Variants in STARD13 observed in about 807,000 individuals in gnomAD.
The protein encoded by STARD13 is StAR related lipid transfer domain containing 13, also known as stAR-related lipid transfer protein 13.
Under a neutral mutation model 106.4 loss-of-function variants are expected in STARD13, and 62 were observed. That is an observed-to-expected ratio of 0.58 (90% confidence interval 0.48 to 0.72). STARD13 has a LOEUF of 0.72. Ranked by LOEUF, STARD13 falls within the 30% of genes least tolerant of loss-of-function variation. The pLI is 0.00. For missense variants in STARD13, 1,387 were observed against 1,424.0 expected (o/e 0.97, Z 0.42); for synonymous variants, 565 against 553.0 (o/e 1.02, Z -0.31).
intron 1 of STARD13, among the ~76,000 whole-genome samples, chr13:33,247,088 T>G (rs1392711684): frequency 6.6e-6 from 1 of 151,942 alleles, no homozygotes; most frequent in Non-Finnish European, 1.5e-5. Flanking sequence ...TCCTAGCTAC[T>G]TGGGAGGCTG....
the STARD13 span, among the ~76,000 whole-genome samples, chr13:33,602,258 A>AT: frequency 6.6e-6 from 1 of 151,896 alleles, no homozygotes; most frequent in East Asian, 1.9e-4. Context: ...CGCCCAGCTA[A>AT]TTTTTTGTAT....
downstream of STARD13, among the ~76,000 whole-genome samples, chr13:33,343,932 G>T (rs35946643): frequency 1.6e-4 from 24 of 151,710 alleles, no homozygotes; most frequent in Non-Finnish European, 2.9e-4. Flanking sequence ...TATTCTCCAG[G>T]CACGACTGAT....
At chr13:33,566,074 A>G in the STARD13 span, among the ~76,000 whole-genome samples, 2 of 148,558 alleles carry the variant, frequency 1.3e-5, no homozygotes, top group South Asian at 4.3e-4. Flanking sequence ...GTTAAGTGCT[A>G]TCTTATGATG....
At chr13:33,244,782 A>G (rs1156275519) in intron 1 of STARD13, among the ~76,000 whole-genome samples, 3 of 152,238 alleles carry the variant, frequency 2.0e-5, no homozygotes, top group Admixed American at 6.5e-5. Flanking sequence ...CAAGTTGCCA[A>G]TGAATTGTAA....
the STARD13 span, among the ~76,000 whole-genome samples, chr13:33,564,213 A>T: frequency 1.4e-5 from 2 of 143,698 alleles, no homozygotes; most frequent in Non-Finnish European, 3.0e-5. Flanking sequence ...TCTCAAAAAA[A>T]AAAAAAAAAA....
the STARD13 span, among the ~76,000 whole-genome samples, chr13:33,422,732 G>C: frequency 6.6e-6 from 1 of 152,132 alleles, no homozygotes; most frequent in Non-Finnish European, 1.5e-5. Flanking sequence ...GCATGGTACT[G>C]GTACCAAAAC....
intron 1 of STARD13, among the ~76,000 whole-genome samples, chr13:33,262,225 G>T (rs969830393): frequency 1.3e-5 from 2 of 152,200 alleles, no homozygotes; most frequent in South Asian, 4.1e-4. Context: ...GTGATGAATA[G>T]GTCTATCAGC....
chr13:33,324,779 T>C (rs1893679360), intron 1 of STARD13, among the ~76,000 whole-genome samples: 1 of 152,228 alleles, frequency 6.6e-6, no homozygotes, highest in Non-Finnish European at 1.5e-5. Flanking sequence ...TTTCATCATC[T>C]ATAAAAAGAC....
intron 1 of STARD13, among the ~76,000 whole-genome samples, chr13:33,201,509 A>G (rs925746134): frequency 1.3e-5 from 2 of 152,238 alleles, no homozygotes; most frequent in African/African-American, 2.4e-5. Flanking sequence ...CACAATTTAC[A>G]TAGTTTTCTT....
chr13:33,110,945 C>A lies in STARD13; in HGVS notation c.2608-38G>T, dbSNP rs191465397. 3.1e-5 allele frequency: 49 copies of A among 1,564,766 alleles called. No homozygotes were observed. The African/African-American group carries it at 5.9e-4, about 19-fold the overall frequency. On this transcript the variant is annotated intron_variant, in intron 10 of 13. Coordinates refer to ENST00000336934, the MANE Select transcript of STARD13 (RefSeq NM_178006.4). ...ATGCATGAAAGGGCAACACACTGAGCCAAAGAAACGCCGAGACTCAAAGAA... is the reference window on the plus strand; with the variant it reads ...ATGCATGAAAGGGCAACACACTGAGACAAAGAAACGCCGAGACTCAAAGAA...
intron 1 of STARD13, among the ~76,000 whole-genome samples, chr13:33,247,595 A>T (rs1048944093): frequency 1.3e-5 from 2 of 152,304 alleles, no homozygotes; most frequent in Admixed American, 6.5e-5. Context: ...CTGTATATAT[A>T]ACAGACACCA....
chr13:33,125,458 A>G (rs1486769129), intron 7 of STARD13, among the ~76,000 whole-genome samples: 1 of 151,946 alleles, frequency 6.6e-6, no homozygotes, highest in Non-Finnish European at 1.5e-5. Flanking sequence ...GTCCACCATT[A>G]TGGTGGGCCC....
chr13:33,446,811 T>A, the STARD13 span, among the ~76,000 whole-genome samples: 1 of 152,244 alleles, frequency 6.6e-6, no homozygotes, highest in Non-Finnish European at 1.5e-5. Context: ...AGCATTTTAA[T>A]AAGCATTCTT....
At chr13:33,406,155 A>G in the STARD13 span, among the ~76,000 whole-genome samples, 1 of 152,128 alleles carries the variant, frequency 6.6e-6, no homozygotes, top group African/African-American at 2.4e-5. Context: ...ACTCTAAGCT[A>G]CTCCTCTATA....
At chr13:33,185,871 C>T in intron 1 of STARD13, 1 of 1,614,046 alleles carries the variant, frequency 6.2e-7, no homozygotes, top group African/African-American at 1.3e-5. Context: ...TCTGATCCAG[C>T]ACTTACCCCG....
At chr13:33,320,562 G>C (rs1893520242) in intron 1 of STARD13, among the ~76,000 whole-genome samples, 1 of 152,080 alleles carries the variant, frequency 6.6e-6, no homozygotes, top group African/African-American at 2.4e-5. Context: ...CTCCTCTCAG[G>C]TGTACTCAGA....
intron 1 of STARD13, among the ~76,000 whole-genome samples, chr13:33,230,637 A>T (rs1888870919): frequency 6.6e-6 from 1 of 152,214 alleles, no homozygotes; most frequent in Non-Finnish European, 1.5e-5. Flanking sequence ...CTTTTGCTGA[A>T]ATCTCAGCCT....
chr13:33,319,935 T>A (rs565147777), intron 1 of STARD13, among the ~76,000 whole-genome samples: 52 of 152,356 alleles, frequency 3.4e-4, no homozygotes, highest in Middle Eastern at 3.4e-3. Flanking sequence ...AAAGCCCTGC[T>A]TGGCTGCTTG....
At chr13:33,395,866 G>T in the STARD13 span, among the ~76,000 whole-genome samples, 1 of 151,978 alleles carries the variant, frequency 6.6e-6, no homozygotes, top group African/African-American at 2.4e-5. Context: ...TTTAAAGACG[G>T]GGGTCTCATC....
Sources: gnomAD v4.1 joint callset for allele counts (sites outside exome capture counted in the v4.1 genomes callset) on GRCh38, gnomAD v4.1.1 for gene constraint, MANE v1.5 for transcripts, NCBI Gene and HGNC (gene_info 2026-07-23, HGNC 2026-07-21) for gene names.